CARMIL1: variants seen among roughly 807,000 people sequenced by gnomAD.
CARMIL1 encodes the protein F-actin-uncapping protein LRRC16A.
A neutral mutation model predicts 177.1 loss-of-function variants in CARMIL1; 90 were observed. The observed-to-expected ratio is 0.51, with a 90% CI of 0.43 to 0.61. CARMIL1 has a LOEUF of 0.61. Ranked by LOEUF, CARMIL1 falls within the 20% of genes least tolerant of loss-of-function variation. CARMIL1 has a pLI of 0.00. For synonymous variants in CARMIL1, 577 were observed against 606.2 expected, an observed-to-expected ratio of 0.95 and a Z score of 0.71; for missense variants, 1,380 against 1,667.0, an observed-to-expected ratio of 0.83 and a Z score of 3.00.
intron 2 of CARMIL1, among the ~76,000 whole-genome samples, chr6:25,328,567 A>C (rs113677081): frequency 1.3e-5 from 2 of 152,098 alleles, no homozygotes; most frequent in African/African-American, 4.8e-5. Context: ...TTTCTATAGA[A>C]GTTATATTTC....
chr6:25,528,702 G>A, intron 23 of CARMIL1, 93 bp from the exon 24 acceptor site: 1 of 933,722 alleles, frequency 1.1e-6, no homozygotes, highest in Non-Finnish European at 1.7e-6. Flanking sequence ...TCACGCTTCG[G>A]TTTTTAAGTT....
intron 12 of CARMIL1, among the ~76,000 whole-genome samples, chr6:25,486,755 T>C (rs1802699516): frequency 6.6e-6 from 1 of 152,310 alleles, no homozygotes; most frequent in African/African-American, 2.4e-5. Context: ...CACTGGGTAG[T>C]GATTATTCAG....
In CARMIL1 at chr6:25,415,334, T is replaced by G. The variant is rs570669274; in HGVS notation, c.139-4780T>G. ...TGAGCCACCACACCCAGCTCTCCTC[T>G]TGTTTTAAATATTCTGACCCTAGTT... On this transcript the variant is annotated intron_variant, in intron 2 of 36. Coordinates refer to ENST00000329474, the MANE Select transcript of CARMIL1 (RefSeq NM_017640.6). Among the ~76,000 whole-genome samples the G allele has an allele frequency of 4.6e-5, 7 of 152,094 alleles. No homozygotes were observed. In the South Asian group the frequency reaches 1.5e-3, roughly 32 times the overall value.
intron 22 of CARMIL1, among the ~76,000 whole-genome samples, chr6:25,517,894 C>T (rs1166858124): frequency 6.6e-6 from 1 of 152,212 alleles, no homozygotes; most frequent in Non-Finnish European, 1.5e-5. Flanking sequence ...TTCTTCATTA[C>T]TTCAGTAACT....
chr6:25,434,745 T>C (rs1797089059), intron 4 of CARMIL1, among the ~76,000 whole-genome samples: 1 of 151,846 alleles, frequency 6.6e-6, no homozygotes, highest in African/African-American at 2.4e-5. Flanking sequence ...AGAGACAGGG[T>C]TTCACCATGT....
intron 2 of CARMIL1, among the ~76,000 whole-genome samples, chr6:25,317,057 T>C (rs1392503987): frequency 6.6e-6 from 1 of 152,204 alleles, no homozygotes; most frequent in Non-Finnish European, 1.5e-5. Flanking sequence ...TCACTGAGGG[T>C]ACTGAGCGTG....
At chr6:25,414,836 G>T (rs1403856317) in intron 2 of CARMIL1, among the ~76,000 whole-genome samples, 1 of 152,126 alleles carries the variant, frequency 6.6e-6, no homozygotes, top group Admixed American at 6.6e-5. Flanking sequence ...CAGAAATGGG[G>T]ACCATCCTGC....
At chr6:25,563,414 A>G in intron 29 of CARMIL1, 5 of 985,268 alleles carry the variant, frequency 5.1e-6, no homozygotes, top group Non-Finnish European at 4.8e-6. Flanking sequence ...TCTTGTCTGT[A>G]TATATGTATG....
intron 2 of CARMIL1, among the ~76,000 whole-genome samples, chr6:25,414,963 T>C (rs896301896): frequency 6.6e-6 from 1 of 152,174 alleles, no homozygotes; most frequent in African/African-American, 2.4e-5. Flanking sequence ...ACTGTGTACT[T>C]CCACTGCCTG....
At chr6:25,373,994 A>AT (rs958216184) in intron 2 of CARMIL1, among the ~76,000 whole-genome samples, 4 of 151,912 alleles carry the variant, frequency 2.6e-5, no homozygotes, top group Admixed American at 2.0e-4. Flanking sequence ...TCCTTGATGT[A>AT]TTTTTTGTTT....
At chr6:25,514,204 A>G (rs1224391950) in intron 20 of CARMIL1, among the ~76,000 whole-genome samples, 1 of 152,206 alleles carries the variant, frequency 6.6e-6, no homozygotes, top group Non-Finnish European at 1.5e-5. Flanking sequence ...AATGGATGGA[A>G]AATGAGTGGA....
Position 25,279,496 on chromosome 6 carries a change from A to G in CARMIL1, c.-300A>G. ...AGCCGGGAGGAGGAGCAGGCGCCAC[A>G]GCCGCCCCGCGCCCCGCGCCCGCTT... is the stretch of plus-strand genomic sequence containing the variant. On this transcript the variant is annotated 5_prime_UTR_variant, in exon 1 of 37. Coordinates refer to ENST00000329474, the MANE Select transcript of CARMIL1 (RefSeq NM_017640.6). The G allele has an allele frequency of 2.1e-6, 1 of 481,928 alleles. No homozygotes were observed. The highest frequency in any genetic ancestry group is 3.4e-5 in the Admixed American group (1 of 29,442). 29.9% of individuals were successfully genotyped at this position (481,928 alleles called of 1,614,324 possible).
At chr6:25,597,425 G>T (rs1363957906) in intron 32 of CARMIL1, among the ~76,000 whole-genome samples, 1 of 152,120 alleles carries the variant, frequency 6.6e-6, no homozygotes, top group Non-Finnish European at 1.5e-5. Flanking sequence ...CGTATACTGT[G>T]ATTACATTTT....
At chr6:25,419,284 A>G (rs1795630168) in intron 2 of CARMIL1, among the ~76,000 whole-genome samples, 1 of 152,232 alleles carries the variant, frequency 6.6e-6, no homozygotes. Flanking sequence ...TTGGAAAATG[A>G]AAAGAGGGCA....
intron 2 of CARMIL1, among the ~76,000 whole-genome samples, chr6:25,349,309 A>T (rs1272772146): frequency 6.6e-6 from 1 of 152,218 alleles, no homozygotes. Flanking sequence ...TCACTCAGAC[A>T]TGGCGAAAAC....
At chr6:25,410,882 T>C (rs1794841936) in intron 2 of CARMIL1, among the ~76,000 whole-genome samples, 1 of 152,304 alleles carries the variant, frequency 6.6e-6, no homozygotes, top group South Asian at 2.1e-4. Context: ...ATAATTTAAC[T>C]CTTCCTGATC....
At chr6:25,557,063 G>A (rs976422545) in intron 29 of CARMIL1, among the ~76,000 whole-genome samples, 1 of 152,014 alleles carries the variant, frequency 6.6e-6, no homozygotes, top group African/African-American at 2.4e-5. Context: ...TAGCCATAGT[G>A]GGAAAATTCC....
chr6:25,430,850 G>T (rs866698941), intron 4 of CARMIL1, among the ~76,000 whole-genome samples: 10 of 152,248 alleles, frequency 6.6e-5, no homozygotes, highest in African/African-American at 2.4e-4. Context: ...TTTATTTTAT[G>T]TAAGTTGTTG....
intron 2 of CARMIL1, among the ~76,000 whole-genome samples, chr6:25,398,041 G>C (rs1427377785): frequency 6.6e-6 from 1 of 152,138 alleles, no homozygotes; most frequent in East Asian, 1.9e-4. Context: ...GAATATTAGA[G>C]GGGAAAAGAT....
Sources: gnomAD v4.1 joint callset for allele counts (sites outside exome capture counted in the v4.1 genomes callset) on GRCh38, gnomAD v4.1.1 for gene constraint, MANE v1.5 for transcripts, NCBI Gene and HGNC (gene_info 2026-07-23, HGNC 2026-07-21) for gene names.